The following PARD3B variants were observed in gnomAD, a reference collection of about 807,000 sequenced individuals.
PARD3B encodes the protein par-3 family cell polarity regulator beta, also known as partitioning defective 3 homolog B.
PARD3B carries 103 observed loss-of-function variants against 130.2 expected under a neutral mutation model. That is an observed-to-expected ratio of 0.79 (90% CI 0.67 to 0.93). The LOEUF is 0.93. Ranked by LOEUF, PARD3B falls within the 40% of genes least tolerant of loss-of-function variation. The pLI is 0.00. For missense variants in PARD3B, 1,609 were observed against 1,499.2 expected, an observed-to-expected ratio of 1.07 and a Z score of -1.21; for synonymous variants, 583 against 553.2, an observed-to-expected ratio of 1.05 and a Z score of -0.76.
intron 4 of PARD3B, among the ~76,000 whole-genome samples, chr2:205,050,530 G>C (rs1019341225): frequency 1.3e-5 from 2 of 152,002 alleles, no homozygotes; most frequent in African/African-American, 4.8e-5. Flanking sequence ...AAATGTGTCT[G>C]ATCCAAATGT....
chr2:205,060,882 G>C (rs915772557), intron 4 of PARD3B, among the ~76,000 whole-genome samples: 3 of 152,056 alleles, frequency 2.0e-5, no homozygotes, highest in African/African-American at 2.4e-5. Flanking sequence ...AGTTTCACTA[G>C]GGTCATGTAT....
chr2:205,096,424 T>C (rs545563050), intron 4 of PARD3B, among the ~76,000 whole-genome samples: 2 of 152,268 alleles, frequency 1.3e-5, no homozygotes, highest in Middle Eastern at 6.8e-3. Flanking sequence ...CCTATGAAAA[T>C]CATTCAGCAT....
At chr2:205,434,783 A>C (rs2047452724) in intron 19 of PARD3B, among the ~76,000 whole-genome samples, 1 of 152,190 alleles carries the variant, frequency 6.6e-6, no homozygotes, top group South Asian at 2.1e-4. Context: ...ATGAGAAATC[A>C]AGTTTACAAG....
intron 3 of PARD3B, among the ~76,000 whole-genome samples, chr2:204,984,959 G>A (rs907741431): frequency 7.3e-6 from 1 of 137,816 alleles, no homozygotes; most frequent in African/African-American, 2.7e-5. Flanking sequence ...AATTCAGCAA[G>A]TGTTCAAGCA....
Position 205,301,534 on chromosome 2 carries a change from T to A in PARD3B, c.2463T>A (p.Asn821Lys). 4 of 1,613,558 alleles carry A rather than the reference T, an allele frequency of 2.5e-6. No individual in the cohort carries two copies. The highest frequency in any genetic ancestry group is 3.4e-6 in the Non-Finnish European group (4 of 1,179,992). The change falls in exon 18 of 23, where the codon AAT becomes AAA. Residue 821 changes from asparagine (N) to lysine (K), a missense_variant. Transcript: ENST00000406610. The surrounding 1 kb of genome is among the most constrained non-coding windows in gnomAD (Gnocchi z 5.2). ...ALNCESAPQG[N>K]SELEDMENKA... is the part of the protein sequence containing the mutation. ...ATTGTGAGTCTGCCCCTCAGGGGAA[T>A]TCGGAGCTAGAGGACATGGAAAATA...
intron 1 of PARD3B, among the ~76,000 whole-genome samples, chr2:204,600,732 A>G (rs2033475932): frequency 6.6e-6 from 1 of 151,902 alleles, no homozygotes; most frequent in Non-Finnish European, 1.5e-5. Flanking sequence ...TTTTAAAAGT[A>G]ACATCTCATT....
intron 1 of PARD3B, among the ~76,000 whole-genome samples, chr2:204,619,393 G>A (rs2125125752): frequency 6.6e-6 from 1 of 152,258 alleles, no homozygotes; most frequent in East Asian, 1.9e-4. Flanking sequence ...TTCTTCTTTT[G>A]CAAAAGTAAA....
At chr2:204,559,033 A>G (rs2031127846) in intron 1 of PARD3B, among the ~76,000 whole-genome samples, 1 of 152,184 alleles carries the variant, frequency 6.6e-6, no homozygotes, top group African/African-American at 2.4e-5. Context: ...CCTTATACAA[A>G]AATTAATTCA....
At chr2:205,178,224 G>A (rs1309042137) in intron 13 of PARD3B, among the ~76,000 whole-genome samples, 1 of 144,500 alleles carries the variant, frequency 6.9e-6, no homozygotes, top group Non-Finnish European at 1.5e-5. Context: ...GCTACTATGG[G>A]GGGGGAAAAA....
At chr2:204,773,175 T>C (rs2041462415) in intron 2 of PARD3B, among the ~76,000 whole-genome samples, 1 of 151,982 alleles carries the variant, frequency 6.6e-6, no homozygotes, top group Non-Finnish European at 1.5e-5. Context: ...TTTGCTTTAC[T>C]TTTAAATATA....
At chr2:205,157,980 C>A (rs962272588) in intron 10 of PARD3B, among the ~76,000 whole-genome samples, 1 of 152,130 alleles carries the variant, frequency 6.6e-6, no homozygotes, top group East Asian at 1.9e-4. Flanking sequence ...TTCTTGAGAC[C>A]AGTATGCTTG....
intron 2 of PARD3B, among the ~76,000 whole-genome samples, chr2:204,862,769 T>C (rs2045262540): frequency 6.6e-6 from 1 of 152,150 alleles, no homozygotes. Flanking sequence ...TTAAACCAGG[T>C]TCTTGTCACA....
chr2:204,952,728 G>A (rs1030524001), intron 2 of PARD3B, among the ~76,000 whole-genome samples: 58 of 152,148 alleles, frequency 3.8e-4, no homozygotes, highest in African/African-American at 1.4e-3. Context: ...GTCAGGCGCG[G>A]TGGCTCACGC....
intron 2 of PARD3B, among the ~76,000 whole-genome samples, chr2:204,817,691 C>T (rs2043196364): frequency 6.6e-6 from 1 of 152,080 alleles, no homozygotes; most frequent in African/African-American, 2.4e-5. Context: ...AATGTAGCTG[C>T]TTTGGACTCT....
chr2:204,705,897 A>G (rs1024464975), intron 2 of PARD3B, among the ~76,000 whole-genome samples: 9 of 152,164 alleles, frequency 5.9e-5, no homozygotes, highest in Admixed American at 6.6e-5. Flanking sequence ...TCCATCTGCA[A>G]CTGATACTAT....
At chr2:204,743,858 A>G (rs1238450104) in intron 2 of PARD3B, among the ~76,000 whole-genome samples, 4 of 152,234 alleles carry the variant, frequency 2.6e-5, no homozygotes, top group Non-Finnish European at 5.9e-5. Flanking sequence ...GGAAGTGTGG[A>G]TGGGCCACAA....
At chr2:205,017,403 C>T (rs1696229169) in intron 3 of PARD3B, among the ~76,000 whole-genome samples, 1 of 151,988 alleles carries the variant, frequency 6.6e-6, no homozygotes, top group African/African-American at 2.4e-5. Context: ...GCCTCAGTTG[C>T]CCCCCCATTC....
chr2:204,837,656 G>A (rs2044096393), intron 2 of PARD3B, among the ~76,000 whole-genome samples: 1 of 152,068 alleles, frequency 6.6e-6, no homozygotes, highest in African/African-American at 2.4e-5. Flanking sequence ...TTGGTTCTCA[G>A]TAAGTTTGTA....
intron 1 of PARD3B, among the ~76,000 whole-genome samples, chr2:204,560,482 G>A (rs2125054568): frequency 6.6e-6 from 1 of 152,034 alleles, no homozygotes; most frequent in South Asian, 2.1e-4. Context: ...GGGAAGTTGA[G>A]CAGGTTTCAC....
Sources: gnomAD v4.1 joint callset for allele counts (sites outside exome capture counted in the v4.1 genomes callset) on GRCh38, gnomAD v4.1.1 for gene constraint, Gnocchi (gnomAD v3.1) non-coding constraint, MANE v1.5 for transcripts, NCBI Gene and HGNC (gene_info 2026-07-23, HGNC 2026-07-21) for gene names.